WDFY3: variants seen among roughly 807,000 people sequenced by gnomAD.
WDFY3 encodes WD repeat and FYVE domain-containing protein 3.
A neutral mutation model predicts 409.6 loss-of-function variants in WDFY3; 66 were observed. The ratio of observed to expected loss-of-function variants is 0.16; its 90% CI spans 0.13 to 0.20. The LOEUF is 0.20. Among genes scored for constraint, WDFY3 ranks in the 10% least tolerant of loss-of-function variants. The pLI, the probability that WDFY3 is intolerant of heterozygous loss-of-function variation, is 1.00. For missense variants in WDFY3, 3,031 were observed against 4,298.1 expected, an observed-to-expected ratio of 0.71 and a Z score of 8.24; for synonymous variants, 1,521 against 1,537.1, an observed-to-expected ratio of 0.99 and a Z score of 0.25.
At chr4:84,717,519 T>C (rs78122936) in intron 48 of WDFY3, among the ~76,000 whole-genome samples, 10,184 of 152,204 alleles carry the variant, frequency 0.067, 463 homozygotes, top group Admixed American at 0.12. Context: ...ACAGAAACAA[T>C]GTCTGTGTTC....
chr4:84,794,963 T>A lies in WDFY3; in HGVS notation c.3184A>T (p.Ser1062Cys), dbSNP rs1229837386. 5 of 1,554,160 alleles carry A rather than the reference T, an allele frequency of 3.2e-6. No individual in the cohort carries two copies. Among genetic ancestry groups the A allele is most frequent in the Non-Finnish European group, 4.3e-6 (5 of 1,156,644 alleles). ...GTAGGAGCATTATGAGGGGCCAAACTGGGCAAAAAAAGACATCTATTAAAG... is the reference window on the plus strand; with the variant it reads ...GTAGGAGCATTATGAGGGGCCAAACAGGGCAAAAAAAGACATCTATTAAAG... ...LEGFGCLFLP[S>C]LAPHNAPTNN... is the part of the protein sequence containing the mutation. Residue 1062 changes from serine (S) to cysteine (C), a missense_variant, in exon 20 of 68, where the codon AGT becomes TGT. By Grantham distance (112) the Ser-to-Cys change is moderately radical (BLOSUM62 -1). Coordinates refer to ENST00000295888, the MANE Select transcript of WDFY3 (RefSeq NM_014991.6).
intron 30 of WDFY3, among the ~76,000 whole-genome samples, chr4:84,771,087 TCAA>T (rs1385754462): frequency 6.6e-6 from 1 of 152,210 alleles, no homozygotes; most frequent in Non-Finnish European, 1.5e-5. Flanking sequence ...GTTACTGAAT[TCAA>T]TGGACAGCAA....
intron 1 of WDFY3, among the ~76,000 whole-genome samples, chr4:84,944,535 A>G (rs545306015): frequency 1.3e-5 from 2 of 152,046 alleles, no homozygotes; most frequent in South Asian, 4.2e-4. Flanking sequence ...GTATCAAAAA[A>G]TAAACAGGCT....
chr4:84,702,887 G>A (rs1185277257), intron 55 of WDFY3, among the ~76,000 whole-genome samples: 2 of 152,136 alleles, frequency 1.3e-5, no homozygotes, highest in African/African-American at 4.8e-5. Context: ...ACGAGGTCAG[G>A]AGATCGAGAC....
rs779288422 is a variant in WDFY3 at position 84,775,148 on chromosome 4, A to G, written c.4519-10T>C. ...GTGCATGGAGCCAGACCTATAATAA[A>G]TAAAAACAGTAGTATATTTAAGGTT... On this transcript the variant is annotated splice_polypyrimidine_tract_variant and intron_variant, in intron 27 of 67. Coordinates refer to ENST00000295888, the MANE Select transcript of WDFY3 (RefSeq NM_014991.6). The G allele has an allele frequency of 3.1e-6, 5 of 1,610,658 alleles. No homozygotes were observed. The highest frequency in any genetic ancestry group is 1.9e-4 in the Middle Eastern group (1 of 5,144).
chr4:84,784,885 TATATATACACACACACAC>T (rs1174694987), intron 24 of WDFY3, among the ~76,000 whole-genome samples: 1 of 96,080 alleles, frequency 1.0e-5, no homozygotes, highest in Admixed American at 1.2e-4. Context: ...TATATATATA[TATATATACACACACACAC>T]ACACACACAC....
At chr4:84,934,266 TG>T (rs1345712623) in intron 1 of WDFY3, among the ~76,000 whole-genome samples, 2 of 152,178 alleles carry the variant, frequency 1.3e-5, no homozygotes, top group Non-Finnish European at 2.9e-5. Flanking sequence ...ATTTCTTTGA[TG>T]ATCAATGACA....
intron 63 of WDFY3, 67 bp from the exon 64 acceptor site, chr4:84,682,537 C>A: frequency 8.2e-7 from 1 of 1,219,978 alleles, no homozygotes; most frequent in South Asian, 1.3e-5. Context: ...TTACATTACT[C>A]AATGAAGAGA....
At chr4:84,702,627 A>C in intron 55 of WDFY3, 121 bp from the exon 56 acceptor site, 1 of 801,690 alleles carries the variant, frequency 1.2e-6, no homozygotes, top group Non-Finnish European at 1.8e-6. Context: ...CCATTATCCT[A>C]CATTAAATAC....
intron 3 of WDFY3, among the ~76,000 whole-genome samples, chr4:84,876,393 C>T (rs997881510): frequency 4.6e-5 from 7 of 152,232 alleles, no homozygotes; most frequent in African/African-American, 4.8e-5. Context: ...AAGTCAGATA[C>T]GTTCTGTGTG....
At chr4:84,740,481 T>C (rs766025070) in intron 38 of WDFY3, 65 bp from the exon 39 acceptor site, 2 of 1,514,658 alleles carry the variant, frequency 1.3e-6, no homozygotes, top group Non-Finnish European at 1.8e-6. Flanking sequence ...TAATCATTCA[T>C]ACATGAACTT....
At chr4:84,686,281 G>A (rs767045016) in intron 62 of WDFY3, among the ~76,000 whole-genome samples, 2 of 151,834 alleles carry the variant, frequency 1.3e-5, no homozygotes, top group Non-Finnish European at 2.9e-5. Flanking sequence ...AGTCAGGCCT[G>A]GGCAAAAGAG....
intron 30 of WDFY3, among the ~76,000 whole-genome samples, chr4:84,770,568 A>G (rs1451976969): frequency 6.6e-6 from 1 of 152,176 alleles, no homozygotes; most frequent in African/African-American, 2.4e-5. Flanking sequence ...ATATACTTCT[A>G]CTTGTTTGGA....
Position 84,956,248 on chromosome 4 carries a change from CCT to C in WDFY3, c.-226+9959_-226+9960del, listed in dbSNP as rs1483722779. Among the ~76,000 whole-genome samples the C allele has an allele frequency of 3.9e-5, 6 of 152,104 alleles. No homozygotes were observed. The South Asian group carries it at 1.0e-3, about 26-fold the overall frequency. ...CCAATTACAACATGTCAAAAATCACCCTGTCACATGATCTCCACTCGTAACAC... is the reference window on the plus strand; with the variant it reads ...CCAATTACAACATGTCAAAAATCACCGTCACATGATCTCCACTCGTAACAC... On this transcript the variant is annotated intron_variant, in intron 1 of 67. Transcript: ENST00000295888.
At position 84,733,487 on chromosome 4, in the gene WDFY3, C is replaced by T. The variant is rs1361912414; in HGVS notation, c.7116G>A (p.Glu2372=). The part of the protein sequence containing the change: ...IGSHLDKWML[E]MTEGPCRMRK... ...TCATCCTGCAGGGCCCTTCTGTCAT[C>T]TCCAGCATCCACTTGTCGAGGTGGG... is the stretch of plus-strand genomic sequence containing the variant. Residue 2372 remains glutamate, a synonymous_variant, in exon 44 of 68, where the codon GAG becomes GAA. Transcript: ENST00000295888. The T allele has an allele frequency of 6.2e-7, 1 of 1,614,112 alleles. No individual in the cohort carries two copies. Among genetic ancestry groups the T allele is most frequent in the African/African-American group, 1.3e-5 (1 of 75,024 alleles).
Position 84,672,974 on chromosome 4 carries a change from G to C in WDFY3, c.10475C>G (p.Ser3492Cys), listed in dbSNP as rs1465257801. 8.1e-6 allele frequency: 13 copies of C among 1,597,480 alleles called. No homozygotes were observed. The highest frequency in any genetic ancestry group is 1.7e-5 in the Admixed American group (1 of 59,486). ...LFCQKCSRFQ[S>C]EIKRLKISSP... ...TGAGATTTTCAAGCGTTTGATTTCAGATTGAAAGCGACTGCACCTAAAGGA... is the reference window on the plus strand; with the variant it reads ...TGAGATTTTCAAGCGTTTGATTTCACATTGAAAGCGACTGCACCTAAAGGA... Residue 3492 changes from serine to cysteine, a missense_variant, in exon 68 of 68, where the codon TCT becomes TGT. Physicochemically the swap from Ser to Cys is moderately radical, Grantham distance 112 (BLOSUM62 -1). Around this residue, in one of 16 missense-constraint regions of WDFY3, gnomAD observed 378 missense variants for 477.3 expected, o/e 0.79. Coordinates refer to ENST00000295888, the MANE Select transcript of WDFY3 (RefSeq NM_014991.6).
intron 17 of WDFY3, among the ~76,000 whole-genome samples, chr4:84,800,030 A>G (rs1750226578): frequency 6.6e-6 from 1 of 152,142 alleles, no homozygotes; most frequent in African/African-American, 2.4e-5. Context: ...CAGATTACCA[A>G]AAAGGATCAG....
intron 2 of WDFY3, among the ~76,000 whole-genome samples, chr4:84,918,592 T>C (rs1390612029): frequency 6.6e-6 from 1 of 152,014 alleles, no homozygotes; most frequent in African/African-American, 2.4e-5. Context: ...TTTAGTGATA[T>C]ACGTGAAACA....
intron 13 of WDFY3, among the ~76,000 whole-genome samples, chr4:84,814,156 T>C (rs772455173): frequency 6.6e-6 from 1 of 152,214 alleles, no homozygotes; most frequent in Non-Finnish European, 1.5e-5. Context: ...TTATTTTCAG[T>C]TGAAGGCAAT....
Sources: gnomAD v4.1 joint callset for allele counts (sites outside exome capture counted in the v4.1 genomes callset) on GRCh38, gnomAD v4.1.1 for gene constraint, gnomAD v4.1.1 regional missense constraint, MANE v1.5 for transcripts, NCBI Gene and HGNC (gene_info 2026-07-23, HGNC 2026-07-21) for gene names.